The following MAD1L1 variants were observed in gnomAD, a reference collection of about 807,000 sequenced individuals.
MAD1L1 encodes the protein mitotic spindle assembly checkpoint protein MAD1.
In MAD1L1, 95 loss-of-function variants were observed where a neutral mutation model predicts 96.9. The observed-to-expected ratio is 0.98, with a 90% CI of 0.83 to 1.16. The LOEUF (loss-of-function observed/expected upper bound fraction) is 1.16, where lower values mean the gene tolerates loss of function less well. Ranked by LOEUF, MAD1L1 falls within the 50% of genes most tolerant of loss-of-function variation. The pLI is 0.00. For synonymous variants in MAD1L1, 473 were observed against 396.6 expected, an observed-to-expected ratio of 1.19 and a Z score of -2.29; for missense variants, 1,007 against 954.4, an observed-to-expected ratio of 1.06 and a Z score of -0.73.
chr7:2,124,382 C>T (rs1278236474), intron 11 of MAD1L1, among the ~76,000 whole-genome samples: 1 of 152,218 alleles, frequency 6.6e-6, no homozygotes. Context: ...AAGAGCCCAA[C>T]GTGCCGAAAG....
At chr7:1,981,386 C>A (rs1054436049) in intron 14 of MAD1L1, among the ~76,000 whole-genome samples, 1 of 152,128 alleles carries the variant, frequency 6.6e-6, no homozygotes, top group African/African-American at 2.4e-5. Context: ...AGGGCACAGA[C>A]GGGGGCCTGG....
rs79073176 is a variant in MAD1L1, at chr7:2,229,694, G to A, written c.150+290C>T. 2.1e-3 allele frequency among the ~76,000 whole-genome samples: 325 copies of A among 152,322 alleles called. 2 individuals carry two copies. In the East Asian group the frequency reaches 0.044, roughly 20 times the overall value. On this transcript the variant is annotated intron_variant, in intron 3 of 18. Transcript: ENST00000265854. ...AATTAGATGAATGAACTGGCTTTCCGATCCTGTCACCAGGGTCTGTGAGTG... is the reference window on the plus strand; with the variant it reads ...AATTAGATGAATGAACTGGCTTTCCAATCCTGTCACCAGGGTCTGTGAGTG...
chr7:2,032,896 C>G (rs1408250798), intron 12 of MAD1L1, among the ~76,000 whole-genome samples: 1 of 152,224 alleles, frequency 6.6e-6, no homozygotes, highest in Non-Finnish European at 1.5e-5. Flanking sequence ...AAGACCCACT[C>G]TGCACACAGG....
At chr7:1,966,209 A>G (rs1780160193) in intron 15 of MAD1L1, among the ~76,000 whole-genome samples, 1 of 152,236 alleles carries the variant, frequency 6.6e-6, no homozygotes, top group South Asian at 2.1e-4. Context: ...TGGGCTAGAA[A>G]CCACCCAGGT....
intron 12 of MAD1L1, among the ~76,000 whole-genome samples, chr7:2,035,200 A>G (rs1783409743): frequency 6.6e-6 from 1 of 152,272 alleles, no homozygotes; most frequent in African/African-American, 2.4e-5. Flanking sequence ...GACCACACAC[A>G]GCCCAAGGAC....
intron 12 of MAD1L1, among the ~76,000 whole-genome samples, chr7:2,068,647 A>G (rs1784989422): frequency 6.6e-6 from 1 of 152,154 alleles, no homozygotes. Context: ...TGCCCAAGGA[A>G]CATTTTAAAC....
At chr7:2,095,844 A>C (rs1786461402) in intron 11 of MAD1L1, among the ~76,000 whole-genome samples, 1 of 152,220 alleles carries the variant, frequency 6.6e-6, no homozygotes, top group Non-Finnish European at 1.5e-5. Context: ...GGCAGAGTGC[A>C]TCCACGCACA....
intron 11 of MAD1L1, among the ~76,000 whole-genome samples, chr7:2,085,310 T>C (rs1239118460): frequency 1.3e-5 from 2 of 152,186 alleles, no homozygotes; most frequent in African/African-American, 4.8e-5. Context: ...TAACGGTGCC[T>C]GCTAACAAGC....
rs1191343242 is a variant in MAD1L1 at position 2,222,669 on chromosome 7, T to C, written c.377A>G (p.Glu126Gly). 1 of 1,613,114 alleles carries C rather than the reference T, an allele frequency of 6.2e-7. No individual in the cohort carries two copies. Reference protein sequence around the residue: ...REAGAEEKMQEQLERNRQCQQ... With the variant: ...REAGAEEKMQGQLERNRQCQQ... ...ACACTGCCTGTTGCGCTCCAGCTGC[T>C]CCTGCATCTTCTCCTCCGCCCCGGC... The change falls in exon 5 of 19, where the codon GAG becomes GGG. Residue 126 changes from glutamate to glycine, a missense_variant. By Grantham distance (98) the Glu-to-Gly change is moderately conservative (BLOSUM62 -2). Transcript: ENST00000265854.
chr7:1,824,045 C>T (rs1371011253), intron 18 of MAD1L1, among the ~76,000 whole-genome samples: 2 of 152,104 alleles, frequency 1.3e-5, no homozygotes, highest in South Asian at 2.1e-4. Context: ...GATGGGGTGT[C>T]CTGCAGCTGG....
intron 15 of MAD1L1, among the ~76,000 whole-genome samples, chr7:1,977,151 C>T (rs1013534865): frequency 6.6e-6 from 1 of 152,238 alleles, no homozygotes; most frequent in Non-Finnish European, 1.5e-5. Context: ...GACCAGGCGC[C>T]GCAGAGCAGG....
chr7:1,839,363 G>GTCCTGCCCCCTGCCTGGCAGGAAAGCA (rs1562442824), intron 18 of MAD1L1, among the ~76,000 whole-genome samples: 3 of 70,888 alleles, frequency 4.2e-5, no homozygotes, highest in South Asian at 5.3e-4. Flanking sequence ...GCAGGAAAGC[G>GTCCTGCCCCCTGCCTGGCAGGAAAGCA]TCCTGCCCCC....
At chr7:1,833,285 C>T (rs4721089) in intron 18 of MAD1L1, among the ~76,000 whole-genome samples, 122,018 of 152,194 alleles carry the variant, frequency 0.8, 49,372 homozygotes, top group African/African-American at 0.92. Context: ...AGGTTGCTTA[C>T]TGACAGTGCA....
chr7:1,827,479 G>T (rs58897588), intron 18 of MAD1L1, among the ~76,000 whole-genome samples: 5,214 of 55,226 alleles, frequency 0.094, 466 homozygotes, highest in Non-Finnish European at 0.1. Context: ...GGGTGTGGGG[G>T]CCTCCCCTCC....
chr7:1,923,840 T>C (rs1788941006), intron 17 of MAD1L1, among the ~76,000 whole-genome samples: 1 of 152,036 alleles, frequency 6.6e-6, no homozygotes, highest in Non-Finnish European at 1.5e-5. Flanking sequence ...GGTGTGAGAG[T>C]TGGACTCTGA....
At chr7:2,133,475 G>A (rs182424564) in intron 11 of MAD1L1, among the ~76,000 whole-genome samples, 138 of 152,320 alleles carry the variant, frequency 9.1e-4, no homozygotes, top group African/African-American at 3.1e-3. Context: ...TTTGCATGAC[G>A]GTGAAAAATA....
At chr7:2,174,096 AG>A (rs1439393692) in intron 10 of MAD1L1, among the ~76,000 whole-genome samples, 2 of 152,226 alleles carry the variant, frequency 1.3e-5, no homozygotes, top group Non-Finnish European at 2.9e-5. Context: ...CTGGGATTAC[AG>A]GTATGAAGCA....
intron 11 of MAD1L1, among the ~76,000 whole-genome samples, chr7:2,121,787 GGTCT>G (rs1480587223): frequency 6.6e-6 from 1 of 151,924 alleles, no homozygotes; most frequent in Non-Finnish European, 1.5e-5. Flanking sequence ...AGGCCTGTGA[GGTCT>G]GTCTCACTGT....
intron 1 of MAD1L1, among the ~76,000 whole-genome samples, chr7:2,232,323 A>G (rs1329867273): frequency 2.6e-5 from 4 of 152,262 alleles, no homozygotes; most frequent in Admixed American, 2.0e-4. Context: ...AGGAGGCTCC[A>G]CAGCCCAATT....
Sources: gnomAD v4.1 joint callset for allele counts (sites outside exome capture counted in the v4.1 genomes callset) on GRCh38, gnomAD v4.1.1 for gene constraint, MANE v1.5 for transcripts, NCBI Gene and HGNC (gene_info 2026-07-23, HGNC 2026-07-21) for gene names.